SEZ6L: variants seen among roughly 807,000 people sequenced by gnomAD.
SEZ6L encodes seizure related 6 homolog like.
A neutral mutation model predicts 106.2 loss-of-function variants in SEZ6L; 37 were observed. That is an observed-to-expected ratio of 0.35 (90% CI 0.27 to 0.46). The LOEUF (loss-of-function observed/expected upper bound fraction) is 0.46, where lower values mean the gene tolerates loss of function less well. SEZ6L is among the 20% of genes least tolerant of loss of function. The probability of loss-of-function intolerance (pLI) is 1.00; values close to 1 mark genes in which losing one functional copy is unlikely to be tolerated. For synonymous variants in SEZ6L, 541 were observed against 570.4 expected, an observed-to-expected ratio of 0.95 and a Z score of 0.73; for missense variants, 1,172 against 1,332.8, an observed-to-expected ratio of 0.88 and a Z score of 1.88.
At chr22:26,244,251 C>A (rs1203154163) in intron 1 of SEZ6L, 4 of 152,258 alleles carry the variant, frequency 2.6e-5, no homozygotes, top group East Asian at 3.9e-4. Context: ...AAGCTGTGAA[C>A]CTTGCAATAA....
At chr22:26,301,799 G>A (rs1335074430) in intron 5 of SEZ6L, among the ~76,000 whole-genome samples, 15 of 152,218 alleles carry the variant, frequency 9.9e-5, no homozygotes, top group Non-Finnish European at 2.9e-5. Flanking sequence ...AGGTCAGAAG[G>A]AACTCGATGA....
At chr22:26,177,002 A>G (rs949761738) in intron 1 of SEZ6L, among the ~76,000 whole-genome samples, 2 of 152,138 alleles carry the variant, frequency 1.3e-5, no homozygotes, top group East Asian at 1.9e-4. Context: ...GAAAACCTCA[A>G]CTGAATCTTA....
chr22:26,189,611 G>A (rs868542911), intron 1 of SEZ6L, among the ~76,000 whole-genome samples: 1 of 152,016 alleles, frequency 6.6e-6, no homozygotes, highest in Non-Finnish European at 1.5e-5. Flanking sequence ...TATTCTATTA[G>A]GTATTATAAA....
intron 1 of SEZ6L, among the ~76,000 whole-genome samples, chr22:26,200,920 A>G (rs1458106420): frequency 6.6e-6 from 1 of 151,942 alleles, no homozygotes; most frequent in Non-Finnish European, 1.5e-5. Flanking sequence ...GACCTTCCAT[A>G]TGACTTACCT....
chr22:26,335,811 G>A (rs1289062725), intron 9 of SEZ6L, among the ~76,000 whole-genome samples: 1 of 152,090 alleles, frequency 6.6e-6, no homozygotes, highest in African/African-American at 2.4e-5. Context: ...CTTTTGGTGA[G>A]CATCAAATCC....
chr22:26,289,315 A>C (rs985580568), intron 1 of SEZ6L, among the ~76,000 whole-genome samples: 1 of 152,216 alleles, frequency 6.6e-6, no homozygotes, highest in African/African-American at 2.4e-5. Context: ...GGTCAACATC[A>C]ATCATTTTAG....
At chr22:26,183,749 AATTATAT>A (rs1216564657) in intron 1 of SEZ6L, among the ~76,000 whole-genome samples, 1 of 152,216 alleles carries the variant, frequency 6.6e-6, no homozygotes, top group Admixed American at 6.5e-5. Flanking sequence ...AACTGCAGAG[AATTATAT>A]AGATGCAGCT....
intron 1 of SEZ6L, among the ~76,000 whole-genome samples, chr22:26,254,472 G>T (rs888924379): frequency 2.4e-4 from 36 of 152,218 alleles, no homozygotes; most frequent in Non-Finnish European, 3.5e-4. Context: ...ACACATGTAG[G>T]CCAGCTGCAG....
chr22:26,314,281 G>A (rs2081936970), intron 9 of SEZ6L, among the ~76,000 whole-genome samples: 1 of 152,232 alleles, frequency 6.6e-6, no homozygotes, highest in Admixed American at 6.5e-5. Flanking sequence ...GAAGGTCAGA[G>A]AAGTCTTCCC....
In SEZ6L at chr22:26,229,862, A is replaced by ATT. The variant is rs2078744726; in HGVS notation, c.94+60100_94+60101insTT. Among the ~76,000 whole-genome samples the ATT allele has an allele frequency of 1.3e-5, 2 of 152,320 alleles. 1 individual carries two copies. Among genetic ancestry groups the ATT allele is most frequent in the South Asian group, 4.1e-4 (2 of 4,824 alleles). ...CAAAGCCAGGTGCAGGTGTTAACAA[A>ATT]TGCCCCCTGCTCTGCCAGGAAAGGC... On this transcript the variant is annotated intron_variant, in intron 1 of 16. Coordinates refer to ENST00000248933, the MANE Select transcript of SEZ6L (RefSeq NM_021115.5).
At chr22:26,260,372 G>A (rs956593004) in intron 1 of SEZ6L, among the ~76,000 whole-genome samples, 2 of 152,094 alleles carry the variant, frequency 1.3e-5, no homozygotes, top group Admixed American at 6.5e-5. Flanking sequence ...CCACTTATGA[G>A]TAAGAACATA....
intron 1 of SEZ6L, among the ~76,000 whole-genome samples, chr22:26,234,541 A>G (rs1487717740): frequency 2.0e-5 from 3 of 152,212 alleles, no homozygotes; most frequent in East Asian, 1.9e-4. Flanking sequence ...AGCAAAGTCA[A>G]TGACAAAGTA....
chr22:26,261,016 C>T (rs2145817661), intron 1 of SEZ6L, among the ~76,000 whole-genome samples: 1 of 152,144 alleles, frequency 6.6e-6, no homozygotes, highest in Middle Eastern at 3.4e-3. Context: ...TGTTTGTTGG[C>T]CATTTGTATA....
intron 9 of SEZ6L, among the ~76,000 whole-genome samples, chr22:26,335,688 T>C (rs996048874): frequency 6.6e-6 from 1 of 152,190 alleles, no homozygotes; most frequent in African/African-American, 2.4e-5. Context: ...CCAGGAAACA[T>C]AGATCATATC....
rs1306093050 is a variant in SEZ6L, at chr22:26,382,604, C to T, written c.*2309C>T. ...GTCTTAGTAGTACCACACCCGTAAC[C>T]GTGTTTTAAAAGTTTGTTTTAGCCT... On this transcript the variant is annotated 3_prime_UTR_variant, in exon 17 of 17. Coordinates refer to ENST00000248933, the MANE Select transcript of SEZ6L (RefSeq NM_021115.5). 6.6e-6 allele frequency: 1 copy of T among 151,976 alleles called. No homozygotes were observed. The highest frequency in any genetic ancestry group is 1.9e-4 in the East Asian group (1 of 5,190). 9.4% of individuals were successfully genotyped at this position (151,976 alleles called of 1,614,324 possible). A position where few individuals can be genotyped will look rare whatever the true frequency, so the allele number is the denominator to read the frequency against.
intron 1 of SEZ6L, among the ~76,000 whole-genome samples, chr22:26,222,753 G>A (rs2078515170): frequency 6.6e-6 from 1 of 152,170 alleles, no homozygotes; most frequent in Non-Finnish European, 1.5e-5. Context: ...ATGTAAGCAG[G>A]ATATATTATA....
intron 16 of SEZ6L, among the ~76,000 whole-genome samples, chr22:26,379,515 G>A (rs1250312078): frequency 6.6e-6 from 1 of 152,234 alleles, no homozygotes; most frequent in Non-Finnish European, 1.5e-5. Flanking sequence ...ATGGGAGCTG[G>A]AGACTTTCAT....
chr22:26,333,166 G>A (rs745705034), intron 9 of SEZ6L, among the ~76,000 whole-genome samples: 1 of 152,220 alleles, frequency 6.6e-6, no homozygotes, highest in Non-Finnish European at 1.5e-5. Flanking sequence ...GGCTGCTCAG[G>A]CCCTTGAAGG....
chr22:26,262,589 ACG>A (rs2080050015), intron 1 of SEZ6L, among the ~76,000 whole-genome samples: 1 of 152,198 alleles, frequency 6.6e-6, no homozygotes. Flanking sequence ...TGAAGGACAG[ACG>A]TAAGTGTTAC....
Sources: gnomAD v4.1 joint callset for allele counts (sites outside exome capture counted in the v4.1 genomes callset) on GRCh38, gnomAD v4.1.1 for gene constraint, MANE v1.5 for transcripts, NCBI Gene and HGNC (gene_info 2026-07-23, HGNC 2026-07-21) for gene names.